Variants in CDH1 observed in about 807,000 individuals in gnomAD.
CDH1 encodes the protein cadherin-1.
In CDH1, 35 loss-of-function variants were observed where a neutral mutation model predicts 84.5. The observed-to-expected ratio is 0.41, with a 90% confidence interval of 0.32 to 0.55. The LOEUF (loss-of-function observed/expected upper bound fraction) is 0.55, where lower values mean the gene tolerates loss of function less well. Ranked by LOEUF, CDH1 falls within the 20% of genes least tolerant of loss-of-function variation. The pLI is 0.19. For missense variants in CDH1, 994 were observed against 1,126.6 expected (o/e 0.88, Z 1.68); for synonymous variants, 417 against 439.0 (o/e 0.95, Z 0.63).
chr16:68,767,743 G>C (rs903392974), intron 2 of CDH1, among the ~76,000 whole-genome samples: 13 of 152,134 alleles, frequency 8.5e-5, no homozygotes, highest in Non-Finnish European at 1.6e-4. Context: ...TTGCATAATA[G>C]CTATATGTAT....
intron 2 of CDH1, among the ~76,000 whole-genome samples, chr16:68,779,621 C>T (rs1428573801): frequency 5.9e-5 from 9 of 152,152 alleles, no homozygotes; most frequent in Non-Finnish European, 8.8e-5. Context: ...TTTGGGAGGC[C>T]GAGCAGGCAG....
chr16:68,821,734 A>T (rs574328656), intron 11 of CDH1, among the ~76,000 whole-genome samples: 27 of 152,222 alleles, frequency 1.8e-4, no homozygotes, highest in Non-Finnish European at 3.7e-4. Context: ...TATGTGAAGA[A>T]GGAGGAGTGT....
intron 3 of CDH1, among the ~76,000 whole-genome samples, chr16:68,802,286 T>C (rs939243407): frequency 2.0e-5 from 3 of 152,194 alleles, no homozygotes; most frequent in African/African-American, 7.2e-5. Context: ...ACTTGGGTAA[T>C]GTTGGAGGAA....
At chr16:68,788,148 T>C (rs1246612659) in intron 2 of CDH1, among the ~76,000 whole-genome samples, 1 of 152,134 alleles carries the variant, frequency 6.6e-6, no homozygotes, top group Non-Finnish European at 1.5e-5. Flanking sequence ...AAGAATTGTT[T>C]ATGGCTTCTC....
intron 2 of CDH1, among the ~76,000 whole-genome samples, chr16:68,779,398 C>A (rs1415873579): frequency 6.6e-6 from 1 of 152,212 alleles, no homozygotes; most frequent in Non-Finnish European, 1.5e-5. Flanking sequence ...AGTTCAATTC[C>A]CAGCTCTGCT....
chr16:68,800,055 G>T (rs1960456442), intron 2 of CDH1, among the ~76,000 whole-genome samples: 1 of 150,554 alleles, frequency 6.6e-6, no homozygotes, highest in African/African-American at 2.4e-5. Context: ...AAAAACCAAG[G>T]TTGGCTGGGC....
intron 2 of CDH1, among the ~76,000 whole-genome samples, chr16:68,769,707 C>G (rs111476826): frequency 6.6e-6 from 1 of 151,698 alleles, no homozygotes; most frequent in Non-Finnish European, 1.5e-5. Flanking sequence ...GTGGGAGTAT[C>G]GCCGGAGTCC....
At chr16:68,813,604 G>C (rs749290889) in intron 9 of CDH1, 109 bp downstream of exon 9, 2 of 1,095,840 alleles carry the variant, frequency 1.8e-6, no homozygotes, top group South Asian at 2.5e-5. Flanking sequence ...GGGGGACAGG[G>C]TGACTTTCCC....
intron 9 of CDH1, among the ~76,000 whole-genome samples, chr16:68,815,117 C>CT (rs1430631433): frequency 2.1e-4 from 32 of 152,108 alleles, no homozygotes; most frequent in Non-Finnish European, 5.9e-5. Context: ...ATCCCAGCTA[C>CT]TAGGGAGGCT....
intron 2 of CDH1, among the ~76,000 whole-genome samples, chr16:68,785,738 G>A (rs1474077953): frequency 7.2e-6 from 1 of 138,420 alleles, no homozygotes; most frequent in African/African-American, 2.7e-5. Context: ...AGCATAAAGA[G>A]CTTTTTTTTT....
intron 11 of CDH1, among the ~76,000 whole-genome samples, chr16:68,820,743 T>G (rs1374783805): frequency 6.6e-6 from 1 of 152,158 alleles, no homozygotes; most frequent in Non-Finnish European, 1.5e-5. Flanking sequence ...CAGTTAGGTG[T>G]GGGTCCTTCC....
At chr16:68,815,347 C>T (rs1429227092) in intron 9 of CDH1, among the ~76,000 whole-genome samples, 168 bp from the exon 10 acceptor site, 1 of 152,064 alleles carries the variant, frequency 6.6e-6, no homozygotes, top group African/African-American at 2.4e-5. Flanking sequence ...ATTTGAGAAG[C>T]CATGGTAAGT....
chr16:68,833,021 G>C (rs1233286662), intron 15 of CDH1, among the ~76,000 whole-genome samples: 1 of 151,980 alleles, frequency 6.6e-6, no homozygotes, highest in African/African-American at 2.4e-5. Flanking sequence ...TGATCTATGG[G>C]GACTCCATCC....
chr16:68,780,518 G>C (rs1183600916), intron 2 of CDH1, among the ~76,000 whole-genome samples: 1 of 152,140 alleles, frequency 6.6e-6, no homozygotes, highest in Non-Finnish European at 1.5e-5. Context: ...TGGCCAGGCT[G>C]ATTTCAAGTG....
intron 13 of CDH1, among the ~76,000 whole-genome samples, chr16:68,826,156 T>A (rs1037591556): frequency 1.3e-5 from 2 of 150,560 alleles, no homozygotes; most frequent in Admixed American, 6.6e-5. Flanking sequence ...CTTGAAATAT[T>A]TTTTTTTTAA....
chr16:68,760,666 CTG>C (rs998395747), intron 2 of CDH1, among the ~76,000 whole-genome samples: 1 of 152,184 alleles, frequency 6.6e-6, no homozygotes, highest in African/African-American at 2.4e-5. Flanking sequence ...TGAGTGCCTT[CTG>C]TGTGCTCTGT....
At chr16:68,811,163 C>G (rs1960812412) in intron 6 of CDH1, among the ~76,000 whole-genome samples, 1 of 151,886 alleles carries the variant, frequency 6.6e-6, no homozygotes, top group Non-Finnish European at 1.5e-5. Flanking sequence ...TTTGGGAGGC[C>G]AAGGTGGGCA....
intron 2 of CDH1, among the ~76,000 whole-genome samples, chr16:68,767,382 A>G (rs1319580086): frequency 6.6e-6 from 1 of 150,796 alleles, no homozygotes; most frequent in Non-Finnish European, 1.5e-5. Flanking sequence ...ATTTTTAGTG[A>G]AGACAGGGTT....
chr16:68,791,451 C>T (rs1365914438), intron 2 of CDH1, among the ~76,000 whole-genome samples: 1 of 152,134 alleles, frequency 6.6e-6, no homozygotes, highest in Non-Finnish European at 1.5e-5. Flanking sequence ...GAGATAGCAT[C>T]TCAATCTGTC....
Sources: gnomAD v4.1 joint callset for allele counts (sites outside exome capture counted in the v4.1 genomes callset) on GRCh38, gnomAD v4.1.1 for gene constraint, MANE v1.5 for transcripts, NCBI Gene and HGNC (gene_info 2026-07-23, HGNC 2026-07-21) for gene names.